The following KATNAL1 variants were observed in gnomAD, a reference collection of about 807,000 sequenced individuals.
The protein encoded by KATNAL1 is katanin p60 ATPase-containing subunit A-like 1.
In KATNAL1, 32 loss-of-function variants were observed where a neutral mutation model predicts 55.2. That is an observed-to-expected ratio of 0.58 (90% CI 0.44 to 0.78). The LOEUF is 0.78. KATNAL1 is among the 30% of genes least tolerant of loss of function. The pLI is 0.00. For synonymous variants in KATNAL1, 193 were observed against 193.6 expected (o/e 1.00, Z 0.02); for missense variants, 466 against 600.9 (o/e 0.78, Z 2.35).
Position 30,265,408 on chromosome 13 carries a change from T to TA in KATNAL1, c.324-9794dup, listed in dbSNP as rs995570101. On this transcript the variant is annotated intron_variant, in intron 3 of 10. Transcript: ENST00000380615. ...TTTAAAAAATAAAAAATAAAAAAAT[T>TA]AAAAAAAAAGAAAAAAAAGCATTCC... Among the ~76,000 whole-genome samples the TA allele has an allele frequency of 1.4e-4, 14 of 99,402 alleles. No homozygotes were observed. The East Asian group carries it at 3.6e-3, about 25-fold the overall frequency. The allele number at this position is 99,402 out of a possible 152,430, so 65.2% of individuals were successfully genotyped here.
At chr13:30,238,181 A>C (rs1177347902) in intron 6 of KATNAL1, among the ~76,000 whole-genome samples, 1 of 152,218 alleles carries the variant, frequency 6.6e-6, no homozygotes, top group Non-Finnish European at 1.5e-5. Context: ...TGGGAAATAC[A>C]ATCTGGCCTC....
At chr13:30,249,371 C>T (rs1878091648) in intron 4 of KATNAL1, among the ~76,000 whole-genome samples, 1 of 152,156 alleles carries the variant, frequency 6.6e-6, no homozygotes, top group Non-Finnish European at 1.5e-5. Context: ...TTATGCATAT[C>T]CTATGACCCA....
chr13:30,245,090 A>G (rs1297017691), intron 4 of KATNAL1, among the ~76,000 whole-genome samples: 2 of 152,148 alleles, frequency 1.3e-5, no homozygotes, highest in African/African-American at 2.4e-5. Context: ...AACCTGGCAG[A>G]GTCACAACAA....
chr13:30,291,717 A>T (rs973880547), intron 1 of KATNAL1, among the ~76,000 whole-genome samples: 50 of 152,292 alleles, frequency 3.3e-4, no homozygotes, highest in African/African-American at 1.2e-3. Flanking sequence ...TGTCTACTAC[A>T]TGATTTTAAA....
chr13:30,244,715 A>T (rs1224720463), intron 4 of KATNAL1, among the ~76,000 whole-genome samples: 1 of 152,206 alleles, frequency 6.6e-6, no homozygotes, highest in Admixed American at 6.5e-5. Context: ...GATAAAACGG[A>T]TATCACCACT....
At chr13:30,231,944 C>A (rs2137398841) in intron 6 of KATNAL1, among the ~76,000 whole-genome samples, 1 of 152,192 alleles carries the variant, frequency 6.6e-6, no homozygotes, top group African/African-American at 2.4e-5. Flanking sequence ...AAAATAAAGA[C>A]CCATTTATGA....
intron 1 of KATNAL1, among the ~76,000 whole-genome samples, chr13:30,287,629 C>G (rs1566130589): frequency 1.3e-5 from 2 of 152,202 alleles, no homozygotes; most frequent in African/African-American, 4.8e-5. Flanking sequence ...GACAACCACA[C>G]AAAGTGTCAT....
chr13:30,291,307 T>TA (rs1372313308), intron 1 of KATNAL1, among the ~76,000 whole-genome samples: 1 of 152,088 alleles, frequency 6.6e-6, no homozygotes, highest in Non-Finnish European at 1.5e-5. Flanking sequence ...AACTGGAAAC[T>TA]AAAAAGAGTA....
At chr13:30,233,613 A>G (rs961734835) in intron 6 of KATNAL1, among the ~76,000 whole-genome samples, 45 of 151,108 alleles carry the variant, frequency 3.0e-4, no homozygotes, top group Non-Finnish European at 6.0e-4. Flanking sequence ...AAAAAAAAAG[A>G]AATCGATATG....
At chr13:30,252,741 CCTTT>C (rs914336988) in intron 4 of KATNAL1, among the ~76,000 whole-genome samples, 2 of 151,700 alleles carry the variant, frequency 1.3e-5, no homozygotes, top group African/African-American at 4.8e-5. Context: ...CACTAATTTT[CCTTT>C]CTTTTTTTTT....
chr13:30,231,315 A>G lies in KATNAL1; in HGVS notation c.884T>C (p.Met295Thr). The G allele has an allele frequency of 3.7e-6, 6 of 1,605,032 alleles. No individual in the cohort carries two copies. The highest frequency in any genetic ancestry group is 5.1e-6 in the Non-Finnish European group (6 of 1,175,632). The change falls in exon 7 of 11, where the codon ATG becomes ACG. Residue 295 changes from methionine (M) to threonine (T), a missense_variant and splice_region_variant. Physicochemically the swap from Met to Thr is moderately conservative, Grantham distance 81. Around this residue, in one of 3 missense-constraint regions of KATNAL1, gnomAD observed 213 missense variants for 308.6 expected, o/e 0.69. Coordinates refer to ENST00000380615, the MANE Select transcript of KATNAL1 (RefSeq NM_032116.5). ...AAATCTGAATATATCGTCACTCACC[A>G]TCTCAAACAACAGACGAACTAACTT... ...SEKLVRLLFEMARFYAPTTIF... is the reference protein window; with the variant it reads ...SEKLVRLLFETARFYAPTTIF...
At chr13:30,279,996 A>C (rs961700609) in intron 3 of KATNAL1, 67 bp downstream of exon 3, 4 of 1,398,076 alleles carry the variant, frequency 2.9e-6, no homozygotes, top group Non-Finnish European at 3.9e-6. Context: ...TACTTTGTTC[A>C]AAACATGCTT....
chr13:30,226,539 T>C (rs1203841001), intron 9 of KATNAL1, among the ~76,000 whole-genome samples: 1 of 151,240 alleles, frequency 6.6e-6, no homozygotes, highest in Non-Finnish European at 1.5e-5. Context: ...AAAGAACTAA[T>C]CTATGGTGAT....
rs951860066 is a variant in KATNAL1 at position 30,206,690 on chromosome 13, C to T, written c.*1850G>A. 3 of 151,892 alleles carry T rather than the reference C, an allele frequency of 2.0e-5. No homozygotes were observed. In the East Asian group the frequency reaches 5.8e-4, roughly 29 times the overall value. 9.4% of individuals were successfully genotyped at this position (151,892 alleles called of 1,614,324 possible). On this transcript the variant is annotated 3_prime_UTR_variant, in exon 11 of 11. Coordinates refer to ENST00000380615, the MANE Select transcript of KATNAL1 (RefSeq NM_032116.5). ...AAAACCACAATTACTTTTGCACCAA[C>T]CCATTACAAACAAGTTTTAACAATC...
At chr13:30,225,647 T>TACACACACAC (rs57630828) in intron 9 of KATNAL1, among the ~76,000 whole-genome samples, 13 of 146,652 alleles carry the variant, frequency 8.9e-5, no homozygotes, top group African/African-American at 2.3e-4. Context: ...ATGACTCATC[T>TACACACACAC]ACACACACAC....
chr13:30,268,688 G>A (rs1435016744), intron 3 of KATNAL1, among the ~76,000 whole-genome samples: 2 of 152,128 alleles, frequency 1.3e-5, no homozygotes, highest in Non-Finnish European at 2.9e-5. Context: ...CAGATATTTT[G>A]AGAAAAGAAC....
At chr13:30,229,108 G>A (rs901807908) in intron 8 of KATNAL1, among the ~76,000 whole-genome samples, 7 of 151,966 alleles carry the variant, frequency 4.6e-5, no homozygotes, top group East Asian at 1.9e-4. Flanking sequence ...TTGCTTGAAC[G>A]GCCTCTTGTC....
At chr13:30,218,878 T>G (rs938184896) in intron 9 of KATNAL1, among the ~76,000 whole-genome samples, 21 of 152,332 alleles carry the variant, frequency 1.4e-4, no homozygotes, top group South Asian at 1.0e-3. Context: ...CCATCTCCAC[T>G]GTGCCCCATC....
At chr13:30,255,652 T>G in intron 3 of KATNAL1, 37 bp from the exon 4 acceptor site, 1 of 1,366,628 alleles carries the variant, frequency 7.3e-7, no homozygotes. Context: ...AAAATTAAAA[T>G]TAAAATTAAT....
Sources: gnomAD v4.1 joint callset for allele counts (sites outside exome capture counted in the v4.1 genomes callset) on GRCh38, gnomAD v4.1.1 for gene constraint, gnomAD v4.1.1 regional missense constraint, MANE v1.5 for transcripts, NCBI Gene and HGNC (gene_info 2026-07-23, HGNC 2026-07-21) for gene names.